GAN: variants seen among roughly 807,000 people sequenced by gnomAD.
GAN encodes the protein epididymis secretory sperm binding protein.
GAN carries 48 observed loss-of-function variants against 71.3 expected under a neutral mutation model. The ratio of observed to expected loss-of-function variants is 0.67; its 90% CI spans 0.53 to 0.86. GAN has a LOEUF of 0.86. GAN is among the 40% of genes least tolerant of loss of function. The pLI is 0.00. For synonymous variants in GAN, 386 were observed against 276.8 expected, an observed-to-expected ratio of 1.39 and a Z score of -3.92; for missense variants, 928 against 770.1, an observed-to-expected ratio of 1.21 and a Z score of -2.43.
At chr16:81,318,802 C>T (rs994129636) in intron 1 of GAN, among the ~76,000 whole-genome samples, 1 of 152,158 alleles carries the variant, frequency 6.6e-6, no homozygotes, top group Admixed American at 6.5e-5. Flanking sequence ...TCATGGTCAG[C>T]TCAGAGAGGA....
intron 7 of GAN, among the ~76,000 whole-genome samples, chr16:81,364,234 TTTTC>T (rs1190522556): frequency 6.6e-6 from 1 of 152,104 alleles, no homozygotes. Context: ...TCCCAACCTA[TTTTC>T]TTTCTGTCTT....
At chr16:81,353,531 CA>C (rs1173881764) in intron 2 of GAN, among the ~76,000 whole-genome samples, 1 of 152,096 alleles carries the variant, frequency 6.6e-6, no homozygotes, top group Non-Finnish European at 1.5e-5. Context: ...AGATGATTGG[CA>C]ATTATACTTT....
intron 1 of GAN, among the ~76,000 whole-genome samples, chr16:81,324,391 C>G (rs191821058): frequency 1.6e-4 from 25 of 152,230 alleles, no homozygotes; most frequent in Admixed American, 1.6e-3. Context: ...GGGATCCCTG[C>G]TCCGAGGTGG....
chr16:81,344,834 A>G (rs1394179221), intron 1 of GAN, among the ~76,000 whole-genome samples: 1 of 152,188 alleles, frequency 6.6e-6, no homozygotes, highest in Non-Finnish European at 1.5e-5. Context: ...AATGGGAGAA[A>G]ATTTTTGCAA....
chr16:81,377,131 G>A (rs545646907), intron 9 of GAN, 88 bp from the exon 10 acceptor site: 12 of 843,982 alleles, frequency 1.4e-5, no homozygotes, highest in South Asian at 1.3e-4. Context: ...TACTGCTGAT[G>A]ACTCACCAAG....
At chr16:81,349,712 T>A (rs1910237103) in intron 1 of GAN, among the ~76,000 whole-genome samples, 1 of 152,226 alleles carries the variant, frequency 6.6e-6, no homozygotes, top group African/African-American at 2.4e-5. Context: ...CTACCAAAAG[T>A]CTGATCCTTT....
chr16:81,345,948 C>T (rs1213677296), intron 1 of GAN, among the ~76,000 whole-genome samples: 2 of 152,206 alleles, frequency 1.3e-5, no homozygotes, highest in Non-Finnish European at 1.5e-5. Context: ...ATGCCCAGTT[C>T]ACAATAGGGT....
At chr16:81,328,649 A>ATT (rs10690232) in intron 1 of GAN, among the ~76,000 whole-genome samples, 52,858 of 146,850 alleles carry the variant, frequency 0.36, 11,137 homozygotes, top group East Asian at 0.8. Context: ...TGTGTATCTT[A>ATT]TTTTTTTTTT....
intron 1 of GAN, among the ~76,000 whole-genome samples, chr16:81,326,982 G>A (rs983802962): frequency 5.9e-5 from 9 of 152,256 alleles, no homozygotes; most frequent in Non-Finnish European, 1.0e-4. Flanking sequence ...TTCTGCCATA[G>A]CATTTTACTA....
In GAN at chr16:81,334,227, G is replaced by T. The variant is rs1021475271; in HGVS notation, c.168-17356G>T. Among the ~76,000 whole-genome samples the T allele has an allele frequency of 7.2e-5, 11 of 152,182 alleles. 1 individual carries two copies. On this transcript the variant is annotated intron_variant, in intron 1 of 10. Coordinates refer to ENST00000648994, the MANE Select transcript of GAN (RefSeq NM_022041.4). ...TGATATCAAGAGGAGAATGGAAAAGGTTTCTGTGGATCTGCCTGTGTTGCA... is the reference window on the plus strand; with the variant it reads ...TGATATCAAGAGGAGAATGGAAAAGTTTTCTGTGGATCTGCCTGTGTTGCA...
At chr16:81,356,003 C>T (rs781711180) in intron 3 of GAN, among the ~76,000 whole-genome samples, 6 of 152,184 alleles carry the variant, frequency 3.9e-5, no homozygotes, top group African/African-American at 7.2e-5. Context: ...TGCTCCCACT[C>T]ACCAAGACCA....
chr16:81,338,479 G>A (rs1431041586), intron 1 of GAN, among the ~76,000 whole-genome samples: 1 of 152,080 alleles, frequency 6.6e-6, no homozygotes. Context: ...TGACTTCTCA[G>A]TTATATGTGG....
intron 1 of GAN, among the ~76,000 whole-genome samples, chr16:81,344,369 T>C (rs992681213): frequency 2.0e-5 from 3 of 152,134 alleles, no homozygotes; most frequent in Non-Finnish European, 4.4e-5. Context: ...CTTCAAACTT[T>C]ACTACAAGGC....
chr16:81,320,835 C>T (rs1187305906), intron 1 of GAN, among the ~76,000 whole-genome samples: 2 of 152,060 alleles, frequency 1.3e-5, no homozygotes, highest in African/African-American at 4.8e-5. Context: ...ATAAGGCGTT[C>T]CTAACAACTG....
At chr16:81,341,618 G>C (rs1909944960) in intron 1 of GAN, among the ~76,000 whole-genome samples, 1 of 152,054 alleles carries the variant, frequency 6.6e-6, no homozygotes, top group Non-Finnish European at 1.5e-5. Flanking sequence ...TGCCTTACAA[G>C]AGCTCCTGAA....
chr16:81,315,187 A>G lies in GAN; in HGVS notation c.74A>G (p.Glu25Gly). The G allele has an allele frequency of 6.3e-7, 1 of 1,575,002 alleles. No homozygotes were observed. Among genetic ancestry groups the G allele is most frequent in the Non-Finnish European group, 8.6e-7 (1 of 1,163,000 alleles). The change falls in exon 1 of 11, where the codon GAG becomes GGG. Residue 25 changes from glutamate to glycine, a missense_variant. Physicochemically the swap from Glu to Gly is moderately conservative, Grantham distance 98 (BLOSUM62 -2). Transcript: ENST00000648994. ...RLLRALSSFREESRFCDAHLV... is the reference protein window; with the variant it reads ...RLLRALSSFRGESRFCDAHLV... ...CTGCGAGCGCTCAGCTCTTTCCGCGAGGAGTCTCGCTTCTGCGACGCGCAC... is the reference window on the plus strand; with the variant it reads ...CTGCGAGCGCTCAGCTCTTTCCGCGGGGAGTCTCGCTTCTGCGACGCGCAC...
chr16:81,338,303 C>G (rs1909832061), intron 1 of GAN, among the ~76,000 whole-genome samples: 1 of 152,054 alleles, frequency 6.6e-6, no homozygotes, highest in Non-Finnish European at 1.5e-5. Flanking sequence ...ATTAAGACTT[C>G]CAAGAAATTT....
At chr16:81,344,927 C>T (rs924487163) in intron 1 of GAN, among the ~76,000 whole-genome samples, 5 of 152,036 alleles carry the variant, frequency 3.3e-5, no homozygotes, top group Non-Finnish European at 5.9e-5. Flanking sequence ...ACAACCCCAT[C>T]GAAAAATGGG....
chr16:81,336,795 A>G (rs1909777617), intron 1 of GAN, among the ~76,000 whole-genome samples: 1 of 152,104 alleles, frequency 6.6e-6, no homozygotes, highest in Non-Finnish European at 1.5e-5. Flanking sequence ...TTTTAGAGCA[A>G]CTTTACATTC....
Sources: allele counts gnomAD v4.1 joint callset (sites outside exome capture counted in the v4.1 genomes callset), GRCh38; gene constraint gnomAD v4.1.1; transcripts MANE v1.5; gene names NCBI Gene and HGNC (gene_info 2026-07-23, HGNC 2026-07-21).